SIN3A: variants seen among roughly 807,000 people sequenced by gnomAD.
SIN3A encodes the protein paired amphipathic helix protein Sin3a.
Under a neutral mutation model 146.1 loss-of-function variants are expected in SIN3A, and 14 were observed. The observed-to-expected ratio is 0.10, with a 90% CI of 0.06 to 0.15. SIN3A has a LOEUF of 0.15. Ranked by LOEUF, SIN3A falls within the 10% of genes least tolerant of loss-of-function variation. SIN3A has a pLI of 1.00. For synonymous variants in SIN3A, 572 were observed against 572.0 expected (o/e 1.00, Z 0.00); for missense variants, 1,028 against 1,576.0 (o/e 0.65, Z 5.89).
upstream of SIN3A, among the ~76,000 whole-genome samples, chr15:75,454,424 G>A (rs1315695740): frequency 1.3e-5 from 2 of 151,576 alleles, no homozygotes; most frequent in Non-Finnish European, 3.0e-5. Flanking sequence ...AGGAGTGCAG[G>A]CAAGGGCCGC....
chr15:75,434,208 T>C (rs961676529), intron 1 of SIN3A, among the ~76,000 whole-genome samples: 4 of 152,188 alleles, frequency 2.6e-5, no homozygotes, highest in African/African-American at 9.7e-5. Context: ...AGCTAACTCA[T>C]CCTTCTTCAG....
At chr15:75,419,969 T>C (rs1030200618) in intron 3 of SIN3A, 5 of 152,168 alleles carry the variant, frequency 3.3e-5, no homozygotes, top group African/African-American at 7.2e-5. Context: ...CCAACTCTTA[T>C]ATAAACTCTC....
At chr15:75,451,095 G>C (rs1433198503) in intron 1 of SIN3A, among the ~76,000 whole-genome samples, 1 of 150,920 alleles carries the variant, frequency 6.6e-6, no homozygotes, top group South Asian at 2.1e-4. Context: ...GAGGAGGGGA[G>C]GGGGTGGTCG....
intron 16 of SIN3A, 107 bp from the exon 17 acceptor site, chr15:75,384,544 T>C (rs975494190): frequency 6.0e-4 from 67 of 111,796 alleles, no homozygotes; most frequent in African/African-American, 2.4e-3. Flanking sequence ...GGTTTTTCTT[T>C]TTTTGGGGGG....
intron 20 of SIN3A, 58 bp from the exon 21 acceptor site, chr15:75,372,267 C>A: frequency 8.4e-7 from 1 of 1,184,420 alleles, no homozygotes; most frequent in Admixed American, 2.4e-5. Flanking sequence ...AAGAGCCCTT[C>A]AAATACAAAG....
At chr15:75,451,016 C>G (rs1200064951) in intron 1 of SIN3A, among the ~76,000 whole-genome samples, 2 of 151,918 alleles carry the variant, frequency 1.3e-5, no homozygotes, top group Admixed American at 6.5e-5. Flanking sequence ...GCGGGAGACC[C>G]CCCCCTACCC....
At chr15:75,384,775 T>A (rs2073048299) in intron 16 of SIN3A, among the ~76,000 whole-genome samples, 1 of 152,196 alleles carries the variant, frequency 6.6e-6, no homozygotes, top group Non-Finnish European at 1.5e-5. Context: ...TATTGCATTT[T>A]AAAATCATTT....
chr15:75,419,052 C>T (rs557851342), intron 3 of SIN3A, among the ~76,000 whole-genome samples: 3 of 152,234 alleles, frequency 2.0e-5, no homozygotes, highest in South Asian at 2.1e-4. Context: ...CCACCGCACC[C>T]GGCCCCGAGA....
intron 3 of SIN3A, among the ~76,000 whole-genome samples, chr15:75,418,948 G>T (rs772404866): frequency 2.0e-5 from 3 of 151,568 alleles, no homozygotes; most frequent in Non-Finnish European, 2.9e-5. Flanking sequence ...TAGTAGAGAC[G>T]GGATTTCACT....
chr15:75,433,005 C>T (rs1438293936), intron 1 of SIN3A, among the ~76,000 whole-genome samples: 1 of 152,138 alleles, frequency 6.6e-6, no homozygotes, highest in African/African-American at 2.4e-5. Context: ...CGCACCACTG[C>T]ACCCCAGGCT....
At chr15:75,435,698 C>CAAA (rs59093415) in intron 1 of SIN3A, among the ~76,000 whole-genome samples, 3 of 57,168 alleles carry the variant, frequency 5.2e-5, no homozygotes, top group African/African-American at 5.3e-5. Context: ...AACTACGTCT[C>CAAA]AAAAAAAAAA....
intron 2 of SIN3A, among the ~76,000 whole-genome samples, chr15:75,429,495 C>A (rs1361993358): frequency 1.3e-5 from 2 of 152,156 alleles, no homozygotes; most frequent in Non-Finnish European, 2.9e-5. Context: ...GCCTCAACCC[C>A]CACACTGTCC....
chr15:75,424,492 G>A (rs2073892099), intron 2 of SIN3A, among the ~76,000 whole-genome samples: 1 of 151,962 alleles, frequency 6.6e-6, no homozygotes, highest in African/African-American at 2.4e-5. Flanking sequence ...CCTTTTTATT[G>A]AGACAGGGTC....
At chr15:75,394,104 G>A (rs1307583927) in intron 14 of SIN3A, among the ~76,000 whole-genome samples, 2 of 152,054 alleles carry the variant, frequency 1.3e-5, no homozygotes, top group South Asian at 4.1e-4. Flanking sequence ...CACTGTGCCC[G>A]GCCTGATTAA....
intron 1 of SIN3A, among the ~76,000 whole-genome samples, chr15:75,448,634 G>C (rs1445751226): frequency 6.6e-6 from 1 of 152,288 alleles, no homozygotes; most frequent in East Asian, 1.9e-4. Context: ...AAGGCCTACA[G>C]AAAGTAAAGC....
At chr15:75,404,741 T>C (rs2073475363) in intron 9 of SIN3A, among the ~76,000 whole-genome samples, 1 of 149,002 alleles carries the variant, frequency 6.7e-6, no homozygotes, top group African/African-American at 2.5e-5. Flanking sequence ...GCCTCAGCAA[T>C]GGAGTGAGAC....
chr15:75,444,009 T>A (rs1567428298), intron 1 of SIN3A, among the ~76,000 whole-genome samples: 1 of 152,236 alleles, frequency 6.6e-6, no homozygotes, highest in African/African-American at 2.4e-5. Context: ...TAGTCCTCTT[T>A]AGCATATTTG....
chr15:75,445,196 C>T (rs978666381), intron 1 of SIN3A, among the ~76,000 whole-genome samples: 8 of 150,854 alleles, frequency 5.3e-5, no homozygotes, highest in South Asian at 2.1e-4. Flanking sequence ...GGCTGGTCAA[C>T]GTGGTAAAAC....
In SIN3A at chr15:75,394,669, C is replaced by T; in HGVS notation, c.2277+11G>A. ...AGAGTCCTCTCACAGATGCAGAAAC[C>T]CCCCGCTCACCTCATCATAGATACT... On this transcript the variant is annotated intron_variant, in intron 14 of 20. Coordinates refer to ENST00000394947, the MANE Select transcript of SIN3A (RefSeq NM_001145358.2). 1 of 1,594,290 alleles carries T rather than the reference C, an allele frequency of 6.3e-7. No homozygotes were observed. The highest frequency in any genetic ancestry group is 8.5e-7 in the Non-Finnish European group (1 of 1,171,018).
Sources: allele counts gnomAD v4.1 joint callset (sites outside exome capture counted in the v4.1 genomes callset), GRCh38; gene constraint gnomAD v4.1.1; transcripts MANE v1.5; gene names NCBI Gene and HGNC (gene_info 2026-07-23, HGNC 2026-07-21).